The following CIB2 variants were observed in gnomAD, a reference collection of about 807,000 sequenced individuals.
The protein encoded by CIB2 is calcium and integrin binding family member 2, also known as calcium and integrin-binding family member 2.
Under a neutral mutation model 23.1 loss-of-function variants are expected in CIB2, and 19 were observed. The observed-to-expected ratio is 0.82, with a 90% CI of 0.57 to 1.21. CIB2 has a LOEUF of 1.21. Ranked by LOEUF, CIB2 falls within the 50% of genes most tolerant of loss-of-function variation. CIB2 has a pLI of 0.00. For synonymous variants in CIB2, 94 were observed against 91.7 expected, an observed-to-expected ratio of 1.03 and a Z score of -0.14; for missense variants, 220 against 241.5, an observed-to-expected ratio of 0.91 and a Z score of 0.59.
intron 4 of CIB2, among the ~76,000 whole-genome samples, chr15:78,108,953 C>G (rs1297108907): frequency 2.6e-5 from 4 of 151,366 alleles, no homozygotes; most frequent in Non-Finnish European, 5.9e-5. Flanking sequence ...CAAGCCTCTG[C>G]TAGTCCCTGC....
At chr15:78,121,411 T>C (rs1362242965) in intron 2 of CIB2, among the ~76,000 whole-genome samples, 1 of 152,162 alleles carries the variant, frequency 6.6e-6, no homozygotes, top group Non-Finnish European at 1.5e-5. Flanking sequence ...CCCTCTCACC[T>C]GCCTGGAGCC....
intron 1 of CIB2, among the ~76,000 whole-genome samples, 199 bp from the exon 2 acceptor site, chr15:78,123,938 T>C (rs1401602251): frequency 6.6e-6 from 1 of 152,130 alleles, no homozygotes; most frequent in African/African-American, 2.4e-5. Flanking sequence ...CCAAAACCTT[T>C]ATCCATCCTG....
rs1433001305 is a variant in CIB2 at position 78,131,003 on chromosome 15, G to A, written c.51+162C>T. ...ACCGGTGGGGAAACTGAGGCACGGC[G>A]AGGGGAAGTCACCGGCCCAAGGTCA... On this transcript the variant is annotated intron_variant, in intron 1 of 5. Transcript: ENST00000258930. This position sits in a 1 kb window ranked among gnomAD's most constrained non-coding sequence, Gnocchi z 5.8. 6.6e-6 allele frequency among the ~76,000 whole-genome samples: 1 copy of A among 152,116 alleles called. No homozygotes were observed. The highest frequency in any genetic ancestry group is 1.5e-5 in the Non-Finnish European group (1 of 68,008).
Position 78,124,843 on chromosome 15 carries a change from G to C in CIB2, c.52-1104C>G, listed in dbSNP as rs139147279. Among the ~76,000 whole-genome samples, 708 of 152,278 alleles carry C rather than the reference G, an allele frequency of 4.6e-3. 13 individuals carry two copies. Among genetic ancestry groups the C allele is most frequent in the African/African-American group, 0.017 (692 of 41,560 alleles). On this transcript the variant is annotated intron_variant, in intron 1 of 5. Coordinates refer to ENST00000258930, the MANE Select transcript of CIB2 (RefSeq NM_006383.4). ...CTTGCCCTGAATGAGACCTGAAGCC[G>C]CTGGACATCAGGGCAATTGGATTGC...
chr15:78,125,659 T>A (rs2074372119), intron 1 of CIB2, among the ~76,000 whole-genome samples: 1 of 152,190 alleles, frequency 6.6e-6, no homozygotes, highest in Admixed American at 6.5e-5. Flanking sequence ...ACTCCAGATC[T>A]CTTGAATCAG....
chr15:78,129,112 G>C (rs115285512), intron 1 of CIB2, among the ~76,000 whole-genome samples: 3,900 of 152,188 alleles, frequency 0.026, 143 homozygotes, highest in African/African-American at 0.089. Context: ...GGTGCACCCT[G>C]CCCAGGAAAG....
intron 2 of CIB2, among the ~76,000 whole-genome samples, chr15:78,122,489 C>A (rs1018048485): frequency 1.3e-5 from 2 of 152,224 alleles, no homozygotes; most frequent in South Asian, 2.1e-4. Flanking sequence ...CCAGGGGTGA[C>A]AGCTTTGTTA....
intron 1 of CIB2, among the ~76,000 whole-genome samples, chr15:78,125,704 T>G (rs924630879): frequency 2.6e-5 from 4 of 152,098 alleles, no homozygotes; most frequent in Admixed American, 1.3e-4. Context: ...ATCTGCACTT[T>G]AAAAAACCCT....
rs969270460 is a variant in CIB2, at chr15:78,131,442, A to G, written c.-227T>C. On this transcript the variant is annotated 5_prime_UTR_variant, in exon 1 of 6. Coordinates refer to ENST00000258930, the MANE Select transcript of CIB2 (RefSeq NM_006383.4). This position sits in a 1 kb window ranked among gnomAD's most constrained non-coding sequence, Gnocchi z 5.8. ...GGCAGCGACTCCGCCGCCGGCGGGA[A>G]GAGGGCGGGGCACCCGGCTCCGCGG... is the stretch of plus-strand genomic sequence containing the variant. 5.5e-6 allele frequency: 1 copy of G among 183,484 alleles called. No homozygotes were observed. The highest frequency in any genetic ancestry group is 1.1e-5 in the Non-Finnish European group (1 of 91,554). 11.4% of individuals were successfully genotyped at this position (183,484 alleles called of 1,614,324 possible). A position where few individuals can be genotyped will look rare whatever the true frequency, so the allele number is the denominator to read the frequency against.
intron 2 of CIB2, among the ~76,000 whole-genome samples, chr15:78,117,283 T>TAAAA (rs1265422874): frequency 7.5e-6 from 1 of 133,512 alleles, no homozygotes; most frequent in East Asian, 2.2e-4. Context: ...AAAGTTTGTT[T>TAAAA]AAAAGAATAA....
At chr15:78,108,677 C>T (rs190199063) in intron 4 of CIB2, among the ~76,000 whole-genome samples, 43 of 152,364 alleles carry the variant, frequency 2.8e-4, no homozygotes, top group African/African-American at 9.4e-4. Context: ...CTCCATTTTA[C>T]ACCTCAAAGC....
At chr15:78,122,388 T>C (rs2074331993) in intron 2 of CIB2, among the ~76,000 whole-genome samples, 1 of 152,124 alleles carries the variant, frequency 6.6e-6, no homozygotes, top group South Asian at 2.1e-4. Flanking sequence ...GGGCTTGGCA[T>C]CTACAAAGGT....
chr15:78,131,013 C>G lies in CIB2; in HGVS notation c.51+152G>C. The G allele has an allele frequency of 4.0e-6, 2 of 504,688 alleles. No individual in the cohort carries two copies. Among genetic ancestry groups the G allele is most frequent in the Non-Finnish European group, 6.5e-6 (2 of 305,912 alleles). The allele number at this position is 504,688 out of a possible 1,614,324, so 31.3% of individuals were successfully genotyped here. On this transcript the variant is annotated intron_variant, in intron 1 of 5. Coordinates refer to ENST00000258930, the MANE Select transcript of CIB2 (RefSeq NM_006383.4). The surrounding 1 kb of genome is among the most constrained non-coding windows in gnomAD (Gnocchi z 5.8). Reference sequence around the variant, plus strand: ...AAACTGAGGCACGGCGAGGGGAAGTCACCGGCCCAAGGTCACGCGTCGAGC... The same window carrying G: ...AAACTGAGGCACGGCGAGGGGAAGTGACCGGCCCAAGGTCACGCGTCGAGC...
intron 1 of CIB2, among the ~76,000 whole-genome samples, chr15:78,125,058 G>A (rs574669863): frequency 3.9e-5 from 6 of 152,270 alleles, no homozygotes; most frequent in Admixed American, 6.5e-5. Context: ...CTGGCTTCTT[G>A]GAAACACGAG....
chr15:78,110,065 C>T (rs2074133281), intron 3 of CIB2, among the ~76,000 whole-genome samples: 1 of 152,190 alleles, frequency 6.6e-6, no homozygotes, highest in African/African-American at 2.4e-5. Flanking sequence ...ACCAGTCAAG[C>T]AGCAAGAGCC....
At chr15:78,127,846 G>A (rs555721537) in intron 1 of CIB2, among the ~76,000 whole-genome samples, 11 of 152,322 alleles carry the variant, frequency 7.2e-5, no homozygotes, top group Admixed American at 7.2e-4. Flanking sequence ...TGTGACATGA[G>A]CACAGCTGGG....
intron 1 of CIB2, among the ~76,000 whole-genome samples, chr15:78,124,930 G>A (rs1424153225): frequency 4.6e-5 from 7 of 152,216 alleles, no homozygotes; most frequent in Non-Finnish European, 5.9e-5. Flanking sequence ...GGTTTCCACT[G>A]GGTGCCTTCG....
At chr15:78,123,837 G>C in intron 1 of CIB2, 98 bp from the exon 2 acceptor site, 1 of 1,357,098 alleles carries the variant, frequency 7.4e-7, no homozygotes, top group South Asian at 1.2e-5. Context: ...GGATAGCTCC[G>C]GACTGGGGAC....
intron 1 of CIB2, among the ~76,000 whole-genome samples, chr15:78,126,551 C>T (rs1401509155): frequency 6.6e-6 from 1 of 152,192 alleles, no homozygotes; most frequent in Non-Finnish European, 1.5e-5. Flanking sequence ...TGACTACAAA[C>T]AGAGCCATGA....
Sources: gnomAD v4.1 joint callset for allele counts (sites outside exome capture counted in the v4.1 genomes callset) on GRCh38, gnomAD v4.1.1 for gene constraint, Gnocchi (gnomAD v3.1) non-coding constraint, MANE v1.5 for transcripts, NCBI Gene and HGNC (gene_info 2026-07-23, HGNC 2026-07-21) for gene names.